Variants in DCAF5 observed in about 807,000 individuals in gnomAD.
DCAF5 encodes DDB1 and CUL4 associated factor 5, also known as DDB1- and CUL4-associated factor 5.
DCAF5 carries 9 observed loss-of-function variants against 80.7 expected under a neutral mutation model. That is an observed-to-expected ratio of 0.11 (90% CI 0.07 to 0.19). The LOEUF (loss-of-function observed/expected upper bound fraction) is 0.19. Among genes scored for constraint, DCAF5 ranks in the 10% least tolerant of loss-of-function variants. The probability of loss-of-function intolerance (pLI) is 1.00; values close to 1 mark genes in which losing one functional copy is unlikely to be tolerated. For synonymous variants in DCAF5, 433 were observed against 461.9 expected, an observed-to-expected ratio of 0.94 and a Z score of 0.80; for missense variants, 842 against 1,205.7, an observed-to-expected ratio of 0.70 and a Z score of 4.47.
intron 5 of DCAF5, among the ~76,000 whole-genome samples, chr14:69,096,177 G>A (rs2039706035): frequency 1.3e-5 from 2 of 152,100 alleles, no homozygotes; most frequent in Non-Finnish European, 2.9e-5. Flanking sequence ...TTAGAGTCCC[G>A]ATAATCCATT....
intron 7 of DCAF5, among the ~76,000 whole-genome samples, chr14:69,068,852 G>A: frequency 6.6e-6 from 1 of 152,162 alleles, no homozygotes; most frequent in Non-Finnish European, 1.5e-5. Context: ...GGACCATCAA[G>A]GATACTGACA....
chr14:69,088,485 A>G (rs1010301139), intron 6 of DCAF5, among the ~76,000 whole-genome samples: 2 of 152,224 alleles, frequency 1.3e-5, no homozygotes, highest in Non-Finnish European at 2.9e-5. Flanking sequence ...TGTTAATTTT[A>G]TTTTGAGGCT....
intron 5 of DCAF5, among the ~76,000 whole-genome samples, chr14:69,115,451 C>T (rs942889296): frequency 2.6e-5 from 4 of 152,158 alleles, no homozygotes; most frequent in Admixed American, 1.3e-4. Context: ...ATCTGAGGCC[C>T]GTGAAATAAA....
In DCAF5 at chr14:69,135,255, A is replaced by G. The variant is rs1329552190; in HGVS notation, c.215-12895T>C. Among the ~76,000 whole-genome samples the G allele has an allele frequency of 2.0e-5, 3 of 152,252 alleles. No individual in the cohort carries two copies. The East Asian group carries it at 5.8e-4, about 29-fold the overall frequency. On this transcript the variant is annotated intron_variant, in intron 1 of 8. Transcript: ENST00000341516. ...GTAAAACCACTGGTGCCTTGGCGCT[A>G]GGGCAGTGACGGCAAATTGTACTAT...
chr14:69,054,130 C>T lies in DCAF5; in HGVS notation c.2556G>A (p.Gly852=). 1 of 1,614,220 alleles carries T rather than the reference C, an allele frequency of 6.2e-7. No homozygotes were observed. Among genetic ancestry groups the T allele is most frequent in the Non-Finnish European group, 8.5e-7 (1 of 1,180,042 alleles). Residue 852 remains glycine, a synonymous_variant, in exon 9 of 9, where the codon GGG becomes GGA. Coordinates refer to ENST00000341516, the MANE Select transcript of DCAF5 (RefSeq NM_003861.3). ...AAGAGTAGGCCACCACCTCCAGCTC[C>T]CCCAAGTTCTGCCCGTTATTGTGAG... is the stretch of plus-strand genomic sequence containing the variant. The part of the protein sequence containing the change: ...PHPHNNGQNL[G]ELEVVAYSSP...
chr14:69,053,732 C>A lies in DCAF5; in HGVS notation c.*125G>T. On this transcript the variant is annotated 3_prime_UTR_variant, in exon 9 of 9. Transcript: ENST00000341516. ...GGATAGAAGGGAGCAGCATCAGACA[C>A]AAAATTTCAGGCCCTGGTTTCATGT... is the stretch of plus-strand genomic sequence containing the variant. 1.1e-6 allele frequency: 1 copy of A among 940,142 alleles called. No homozygotes were observed. The highest frequency in any genetic ancestry group is 3.2e-5 in the Admixed American group (1 of 31,616). The allele number at this position is 940,142 out of a possible 1,614,324, so 58.2% of individuals were successfully genotyped here.
intron 5 of DCAF5, among the ~76,000 whole-genome samples, chr14:69,097,337 C>T (rs956502671): frequency 7.9e-5 from 12 of 152,112 alleles, no homozygotes; most frequent in African/African-American, 2.9e-4. Flanking sequence ...TGTCCAAAAA[C>T]CAAAATCACC....
intron 5 of DCAF5, among the ~76,000 whole-genome samples, chr14:69,101,158 T>C (rs2039939259): frequency 6.6e-6 from 1 of 152,222 alleles, no homozygotes; most frequent in Non-Finnish European, 1.5e-5. Flanking sequence ...GCAAGTTTTT[T>C]CTGCTTCTTG....
At chr14:69,069,583 G>A (rs2038602644) in intron 7 of DCAF5, among the ~76,000 whole-genome samples, 1 of 152,122 alleles carries the variant, frequency 6.6e-6, no homozygotes, top group African/African-American at 2.4e-5. Context: ...ACAGGCATAT[G>A]CCACCATGCC....
intron 5 of DCAF5, among the ~76,000 whole-genome samples, chr14:69,115,458 T>C (rs569076254): frequency 6.6e-5 from 10 of 152,290 alleles, no homozygotes; most frequent in Admixed American, 5.2e-4. Flanking sequence ...GCCCGTGAAA[T>C]AAATTATAAC....
intron 6 of DCAF5, among the ~76,000 whole-genome samples, chr14:69,081,132 C>T (rs1051094073): frequency 5.3e-5 from 8 of 152,076 alleles, no homozygotes; most frequent in Non-Finnish European, 8.8e-5. Flanking sequence ...TTATCTTATA[C>T]TCTATTGAGA....
At chr14:69,125,021 T>C (rs1595042016) in intron 1 of DCAF5, among the ~76,000 whole-genome samples, 1 of 152,214 alleles carries the variant, frequency 6.6e-6, no homozygotes. Flanking sequence ...ATAATACTTC[T>C]TCTACCTCAT....
intron 6 of DCAF5, among the ~76,000 whole-genome samples, chr14:69,086,606 G>A (rs56097892): frequency 0.055 from 7,998 of 146,282 alleles, 321 homozygotes; most frequent in Non-Finnish European, 0.084. Context: ...TTAATCAGGC[G>A]TGCATGGAGT....
At position 69,053,730 on chromosome 14, in the gene DCAF5, C is replaced by G; in HGVS notation, c.*127G>C. On this transcript the variant is annotated 3_prime_UTR_variant, in exon 9 of 9. Coordinates refer to ENST00000341516, the MANE Select transcript of DCAF5 (RefSeq NM_003861.3). ...TTGGATAGAAGGGAGCAGCATCAGACACAAAATTTCAGGCCCTGGTTTCAT... is the reference window on the plus strand; with the variant it reads ...TTGGATAGAAGGGAGCAGCATCAGAGACAAAATTTCAGGCCCTGGTTTCAT... 1.2e-6 allele frequency: 1 copy of G among 869,332 alleles called. No homozygotes were observed. 53.9% of individuals were successfully genotyped at this position (869,332 alleles called of 1,614,324 possible). A position where few individuals can be genotyped will look rare whatever the true frequency, so the allele number is the denominator to read the frequency against.
At chr14:69,134,332 G>C (rs1440345630) in intron 1 of DCAF5, among the ~76,000 whole-genome samples, 1 of 152,152 alleles carries the variant, frequency 6.6e-6, no homozygotes, top group African/African-American at 2.4e-5. Context: ...TAAAACCCGT[G>C]ACTTAGACTT....
At chr14:69,097,580 T>C (rs1566751098) in intron 5 of DCAF5, among the ~76,000 whole-genome samples, 2 of 107,846 alleles carry the variant, frequency 1.9e-5, no homozygotes, top group African/African-American at 6.8e-5. Flanking sequence ...ATTATTATTA[T>C]TATTTTTTTT....
chr14:69,094,246 T>C (rs2039625190), intron 5 of DCAF5, among the ~76,000 whole-genome samples: 1 of 152,164 alleles, frequency 6.6e-6, no homozygotes, highest in African/African-American at 2.4e-5. Context: ...TTTCCATCTG[T>C]TAACAGGAAC....
chr14:69,113,180 T>C (rs2040429088), intron 5 of DCAF5, among the ~76,000 whole-genome samples: 2 of 152,000 alleles, frequency 1.3e-5, no homozygotes, highest in Non-Finnish European at 2.9e-5. Context: ...GACTAATACA[T>C]AGGTTAAGCC....
intron 1 of DCAF5, among the ~76,000 whole-genome samples, chr14:69,134,188 C>A (rs1403593677): frequency 6.6e-6 from 1 of 152,140 alleles, no homozygotes; most frequent in African/African-American, 2.4e-5. Context: ...GGATTCAAAT[C>A]CAAGATGTCT....
Sources: allele counts gnomAD v4.1 joint callset (sites outside exome capture counted in the v4.1 genomes callset), GRCh38; gene constraint gnomAD v4.1.1; transcripts MANE v1.5; gene names NCBI Gene and HGNC (gene_info 2026-07-23, HGNC 2026-07-21).